Variants in MAPK8IP3 observed in about 807,000 individuals in gnomAD.
MAPK8IP3 encodes C-Jun-amino-terminal kinase-interacting protein 3.
Under a neutral mutation model 157.8 loss-of-function variants are expected in MAPK8IP3, and 49 were observed. That is an observed-to-expected ratio of 0.31 (90% CI 0.25 to 0.39). MAPK8IP3 has a LOEUF of 0.39. MAPK8IP3 is among the 10% of genes least tolerant of loss of function. The pLI is 1.00. For missense variants in MAPK8IP3, 1,478 were observed against 1,889.4 expected (o/e 0.78, Z 4.04); for synonymous variants, 897 against 777.7 (o/e 1.15, Z -2.55).
intron 4 of MAPK8IP3, among the ~76,000 whole-genome samples, chr16:1,736,577 TGTGAGC>T (rs2039867128): frequency 1.2e-5 from 1 of 83,350 alleles, no homozygotes; most frequent in Non-Finnish European, 2.4e-5. Flanking sequence ...TGACCGTCCG[TGTGAGC>T]GTGTGACCAT....
In MAPK8IP3 at chr16:1,724,712, A is replaced by G. The variant is rs369728582; in HGVS notation, c.439+35A>G. 59 of 1,603,208 alleles carry G rather than the reference A, an allele frequency of 3.7e-5. No individual in the cohort carries two copies. Among genetic ancestry groups the G allele is most frequent in the East Asian group, 1.8e-4 (8 of 44,668 alleles). ...TGGCGGGAGCCTGGAGGCGCGCTTG[A>G]TGGGCGCTGCTCTGGGACGGCTCTG... is the stretch of plus-strand genomic sequence containing the variant. On this transcript the variant is annotated intron_variant, in intron 2 of 31. Coordinates refer to ENST00000610761, the MANE Select transcript of MAPK8IP3 (RefSeq NM_001318852.2). The surrounding 1 kb of genome is among the most constrained non-coding windows in gnomAD (Gnocchi z 4.1).
At chr16:1,767,036 G>T (rs1329914352) in intron 25 of MAPK8IP3, 65 bp downstream of exon 25, 1 of 1,567,936 alleles carries the variant, frequency 6.4e-7, no homozygotes, top group Admixed American at 1.8e-5. Context: ...TTAGCCAAGG[G>T]GCTCCCGGGG....
At chr16:1,757,815 C>G (rs943556495) in intron 8 of MAPK8IP3, among the ~76,000 whole-genome samples, 1 of 152,228 alleles carries the variant, frequency 6.6e-6, no homozygotes, top group African/African-American at 2.4e-5. Flanking sequence ...ACACACTCTC[C>G]TCTTCACAGG....
rs1206792985 is a variant in MAPK8IP3, at chr16:1,762,998, C to G, written c.1890C>G (p.Phe630Leu). Residue 630 changes from phenylalanine (F) to leucine (L), a missense_variant, in exon 16 of 32, where the codon TTC (phenylalanine) becomes TTG (leucine). Phe to Leu is a conservative substitution (Grantham distance 22, BLOSUM62 0). This residue lies in a region of MAPK8IP3 where 669 missense variants were observed against 759.8 expected (regional missense o/e 0.88). Coordinates refer to ENST00000610761, the MANE Select transcript of MAPK8IP3 (RefSeq NM_001318852.2). The part of the protein sequence containing the change: ...ISAGSRPLEF[F>L]PDDDCTSSAR... ...CAGGCAGCCGGCCCCTGGAATTCTT[C>G]CCTGACGAGTGAGTGTCCCGCAGCC... The G allele has an allele frequency of 6.2e-7, 1 of 1,612,698 alleles. No individual in the cohort carries two copies. Among genetic ancestry groups the G allele is most frequent in the Non-Finnish European group, 8.5e-7 (1 of 1,179,956 alleles).
chr16:1,713,686 A>G (rs1240870372), intron 1 of MAPK8IP3: 2 of 152,240 alleles, frequency 1.3e-5, no homozygotes, highest in Non-Finnish European at 2.9e-5. Context: ...AGTTCTCGAA[A>G]GGCCAAGAAG....
At chr16:1,734,380 C>T (rs1342185472) in intron 4 of MAPK8IP3, among the ~76,000 whole-genome samples, 3 of 152,220 alleles carry the variant, frequency 2.0e-5, no homozygotes, top group Admixed American at 2.0e-4. Flanking sequence ...GTCACGCCTG[C>T]TGTTGCGGTG....
At chr16:1,729,027 C>T in intron 2 of MAPK8IP3, 111 bp from the exon 3 acceptor site, 3 of 1,040,296 alleles carry the variant, frequency 2.9e-6, no homozygotes, top group Non-Finnish European at 3.0e-6. Context: ...TGCCTCAGGA[C>T]CCAGAGTCCC....
chr16:1,722,736 GCT>G (rs2038611460), intron 1 of MAPK8IP3, among the ~76,000 whole-genome samples: 1 of 151,912 alleles, frequency 6.6e-6, no homozygotes, highest in African/African-American at 2.4e-5. Flanking sequence ...ATGGAGTCTC[GCT>G]CTGTCGCCCA....
At chr16:1,728,553 A>C (rs1442658421) in intron 2 of MAPK8IP3, among the ~76,000 whole-genome samples, 1 of 146,350 alleles carries the variant, frequency 6.8e-6, no homozygotes, top group Non-Finnish European at 1.5e-5. Context: ...GTGTTTTCCC[A>C]TGGCACAGGG....
chr16:1,768,789 A>G lies in MAPK8IP3; in HGVS notation c.3979A>G (p.Ile1327Val), dbSNP rs761316682. The change falls in exon 32 of 32, where the codon ATC becomes GTC. Residue 1327 changes from isoleucine to valine, a missense_variant. By Grantham distance (29) the Ile-to-Val change is conservative (BLOSUM62 3). Around this residue, in one of 11 missense-constraint regions of MAPK8IP3, gnomAD observed 133 missense variants for 133.4 expected, o/e 1.00. Coordinates refer to ENST00000610761, the MANE Select transcript of MAPK8IP3 (RefSeq NM_001318852.2). The part of the protein sequence containing the change: ...PVLSKAERSH[I>V]IVWQVSYTPE The stretch of plus-strand genomic sequence containing the variant: ...GCTGTCCAAGGCAGAGCGCAGTCAC[A>G]TCATCGTGTGGCAGGTGTCCTACAC... The G allele has an allele frequency of 3.1e-6, 5 of 1,612,536 alleles. No individual in the cohort carries two copies. The highest frequency in any genetic ancestry group is 1.1e-5 in the South Asian group (1 of 91,088).
intron 1 of MAPK8IP3, among the ~76,000 whole-genome samples, chr16:1,711,167 C>T (rs1319986598): frequency 2.0e-5 from 3 of 152,214 alleles, no homozygotes; most frequent in African/African-American, 7.2e-5. Context: ...GAAATATGTA[C>T]AGAAAGGTTG....
At chr16:1,758,632 C>A (rs2041758203) in intron 9 of MAPK8IP3, among the ~76,000 whole-genome samples, 1 of 152,204 alleles carries the variant, frequency 6.6e-6, no homozygotes, top group Non-Finnish European at 1.5e-5. Context: ...CCAGATGCAG[C>A]CCCCCAGCCT....
rs1297962867 is a variant in MAPK8IP3 at position 1,737,333 on chromosome 16, CGT to C, written c.603-5995_603-5994del. 7.3e-5 allele frequency among the ~76,000 whole-genome samples: 6 copies of C among 81,818 alleles called. 1 individual carries two copies. The highest frequency in any genetic ancestry group is 3.3e-4 in the African/African-American group (6 of 18,198). 53.7% of individuals were successfully genotyped at this position (81,818 alleles called of 152,430 possible). On this transcript the variant is annotated intron_variant, in intron 4 of 31. Coordinates refer to ENST00000610761, the MANE Select transcript of MAPK8IP3 (RefSeq NM_001318852.2). Reference sequence around the variant, plus strand: ...CTGTGTGACCGTCCGTGTGAGCATCCGTGTGAGCGTGACCGTCCGTGAGTGTG... The same window carrying C: ...CTGTGTGACCGTCCGTGTGAGCATCCGTGAGCGTGACCGTCCGTGAGTGTG...
At chr16:1,730,200 G>A (rs539278599) in intron 4 of MAPK8IP3, among the ~76,000 whole-genome samples, 2 of 152,282 alleles carry the variant, frequency 1.3e-5, no homozygotes, top group African/African-American at 2.4e-5. Flanking sequence ...GCTGGAGGCT[G>A]CAGTGATCTA....
chr16:1,738,024 G>A (rs1169764707), intron 4 of MAPK8IP3, among the ~76,000 whole-genome samples: 1 of 87,656 alleles, frequency 1.1e-5, no homozygotes, highest in East Asian at 4.3e-4. Context: ...CCGTCCGTGT[G>A]AGCATCCGTG....
At position 1,768,715 on chromosome 16, in the gene MAPK8IP3, A is replaced by G. The variant is rs2042435753; in HGVS notation, c.3905A>G (p.Asp1302Gly). The G allele has an allele frequency of 1.2e-6, 2 of 1,611,580 alleles. No individual in the cohort carries two copies. Among genetic ancestry groups the G allele is most frequent in the Admixed American group, 1.7e-5 (1 of 59,986 alleles). The change falls in exon 32 of 32, where the codon GAC (aspartate) becomes GGC (glycine). Residue 1302 changes from aspartate (D) to glycine (G), a missense_variant. By Grantham distance (94) the Asp-to-Gly change is moderately conservative. Transcript: ENST00000610761. ...YIDFRIGDGE[D>G]DETEEGAGDM... ...GCTTTGCCCGCAGGAGACGGAGAGG[A>G]CGACGAGACGGAGGAGGGCGCAGGG...
In MAPK8IP3 at chr16:1,748,930, C is replaced by G. The variant is rs1222529528; in HGVS notation, c.1216+210C>G. On this transcript the variant is annotated intron_variant, in intron 8 of 31. Coordinates refer to ENST00000610761, the MANE Select transcript of MAPK8IP3 (RefSeq NM_001318852.2). The stretch of plus-strand genomic sequence containing the variant: ...TGGACTGCCCCAAGGATGCCAAAAT[C>G]TGAGGCTTCTCAAGTCCCTGCTCTG... The G allele has an allele frequency of 7.1e-6, 5 of 707,744 alleles. No individual in the cohort carries two copies. The East Asian group carries it at 1.4e-4, about 19-fold the overall frequency. The allele number at this position is 707,744 out of a possible 1,614,324, so 43.8% of individuals were successfully genotyped here.
At chr16:1,711,534 A>G (rs1223419551) in intron 1 of MAPK8IP3, among the ~76,000 whole-genome samples, 1 of 152,158 alleles carries the variant, frequency 6.6e-6, no homozygotes, top group Non-Finnish European at 1.5e-5. Context: ...GTTCCCATTT[A>G]TTACCAGGGC....
Position 1,763,885 on chromosome 16 carries a change from G to C in MAPK8IP3, c.2025+102G>C, listed in dbSNP as rs560659487. 1.4e-3 allele frequency: 1,407 copies of C among 1,011,902 alleles called. 26 individuals are homozygous for C. In the African/African-American group the frequency reaches 0.021, roughly 15 times the overall value. The allele number at this position is 1,011,902 out of a possible 1,614,324, so 62.7% of individuals were successfully genotyped here. On this transcript the variant is annotated intron_variant, in intron 17 of 31. Coordinates refer to ENST00000610761, the MANE Select transcript of MAPK8IP3 (RefSeq NM_001318852.2). ...CGGGGAGAGGGCGGGGCAGTGCTAG[G>C]GGGTGGGAGAGGACGGCGGGTGGGG...
Sources: gnomAD v4.1 joint callset for allele counts (sites outside exome capture counted in the v4.1 genomes callset) on GRCh38, gnomAD v4.1.1 for gene constraint, gnomAD v4.1.1 regional missense constraint, Gnocchi (gnomAD v3.1) non-coding constraint, MANE v1.5 for transcripts, NCBI Gene and HGNC (gene_info 2026-07-23, HGNC 2026-07-21) for gene names.